USH2A: variants seen among roughly 807,000 people sequenced by gnomAD.
The protein encoded by USH2A is Usher syndrome 2A (autosomal recessive, mild).
USH2A carries 443 observed loss-of-function variants against 538.9 expected under a neutral mutation model. The observed-to-expected ratio is 0.82, with a 90% CI of 0.76 to 0.89. USH2A has a LOEUF of 0.89. Among genes scored for constraint, USH2A ranks in the 40% least tolerant of loss-of-function variants. USH2A has a pLI of 0.00. For missense variants in USH2A, 6,633 were observed against 6,324.8 expected (o/e 1.05, Z -1.65); for synonymous variants, 2,413 against 2,273.5 (o/e 1.06, Z -1.75).
At chr1:216,259,015 T>C (rs995359736) in intron 11 of USH2A, among the ~76,000 whole-genome samples, 1 of 152,082 alleles carries the variant, frequency 6.6e-6, no homozygotes, top group Non-Finnish European at 1.5e-5. Context: ...AGTTTGGCAG[T>C]GATACCTATG....
rs1043013730 is a variant in USH2A, at chr1:215,799,014, C to T, written c.9851G>A (p.Gly3284Glu). ...CTGGCCATGGCCATCATGAAGCCTC[C>T]CAGCACAGCAAATCTGGTTTCCTGA... ...STSGNQICCA[G>E]RLHDGHGQKC... The change falls in exon 50 of 72, where the codon GGG becomes GAG. Residue 3284 changes from glycine to glutamate, a missense_variant. Coordinates refer to ENST00000307340, the MANE Select transcript of USH2A (RefSeq NM_206933.4). 3.1e-6 allele frequency: 5 copies of T among 1,613,980 alleles called. No homozygotes were observed. The highest frequency in any genetic ancestry group is 3.3e-5 in the Admixed American group (2 of 59,982).
At chr1:216,317,428 G>A (rs924932257) in intron 9 of USH2A, among the ~76,000 whole-genome samples, 1 of 152,066 alleles carries the variant, frequency 6.6e-6, no homozygotes, top group Non-Finnish European at 1.5e-5. Flanking sequence ...AGCATCAGGA[G>A]GAATAGCTAA....
chr1:216,228,453 T>C (rs983762013), intron 14 of USH2A, among the ~76,000 whole-genome samples: 2 of 152,138 alleles, frequency 1.3e-5, no homozygotes, highest in African/African-American at 4.8e-5. Context: ...ACAATTCCCA[T>C]GTGTTGTGGG....
At chr1:216,181,990 TACC>T (rs1195304862) in intron 20 of USH2A, among the ~76,000 whole-genome samples, 1 of 152,098 alleles carries the variant, frequency 6.6e-6, no homozygotes, top group Non-Finnish European at 1.5e-5. Flanking sequence ...GTATGGAAAC[TACC>T]ATTGTCCTTG....
At chr1:216,146,944 G>A (rs992437525) in intron 21 of USH2A, among the ~76,000 whole-genome samples, 52 of 152,008 alleles carry the variant, frequency 3.4e-4, no homozygotes, top group African/African-American at 1.2e-3. Context: ...ATACAAACTC[G>A]ACAGTAGTTC....
In USH2A at chr1:216,121,085, T is replaced by C. The variant is rs561266602; in HGVS notation, c.4628-23872A>G. On this transcript the variant is annotated intron_variant, in intron 21 of 71. Transcript: ENST00000307340. ...AACACAGTGAGAAGAGGGCATAATA[T>C]GTAACTTCTGAATAAGTAGGAACAA... Among the ~76,000 whole-genome samples, 5 of 152,340 alleles carry C rather than the reference T, an allele frequency of 3.3e-5. No individual in the cohort carries two copies. The East Asian group carries it at 9.7e-4, about 29-fold the overall frequency.
At chr1:216,339,145 T>G (rs928917866) in intron 4 of USH2A, among the ~76,000 whole-genome samples, 2 of 151,600 alleles carry the variant, frequency 1.3e-5, no homozygotes, top group South Asian at 4.1e-4. Flanking sequence ...AATCCATACT[T>G]TTTTTTATAA....
intron 32 of USH2A, among the ~76,000 whole-genome samples, chr1:216,021,906 G>T (rs1265222852): frequency 6.6e-6 from 1 of 152,080 alleles, no homozygotes. Context: ...CCTTTTAGGA[G>T]GTGTTTGGAT....
chr1:215,906,991 C>A (rs1166209801), intron 38 of USH2A, among the ~76,000 whole-genome samples: 1 of 151,746 alleles, frequency 6.6e-6, no homozygotes, highest in Admixed American at 6.6e-5. Flanking sequence ...GACAGGTGAC[C>A]CCAGGTCTCT....
chr1:215,748,037 G>A (rs1660526373), intron 58 of USH2A, among the ~76,000 whole-genome samples: 1 of 151,862 alleles, frequency 6.6e-6, no homozygotes. Context: ...GACTACAGGC[G>A]CCCGCCACCG....
At chr1:215,740,699 C>G (rs536624572) in intron 60 of USH2A, among the ~76,000 whole-genome samples, 5 of 152,188 alleles carry the variant, frequency 3.3e-5, no homozygotes, top group Admixed American at 6.5e-5. Context: ...TTTTCTTGGT[C>G]AGTGAGCTGC....
chr1:215,735,311 T>C (rs1660126369), intron 60 of USH2A, among the ~76,000 whole-genome samples: 1 of 152,222 alleles, frequency 6.6e-6, no homozygotes, highest in Non-Finnish European at 1.5e-5. Context: ...CTCCATGATA[T>C]CTTAGAGTTC....
intron 35 of USH2A, among the ~76,000 whole-genome samples, chr1:215,990,908 C>T (rs929409445): frequency 1.3e-5 from 2 of 151,796 alleles, no homozygotes; most frequent in African/African-American, 4.8e-5. Context: ...ACTACAGGCA[C>T]CTGCCACTAT....
intron 62 of USH2A, among the ~76,000 whole-genome samples, chr1:215,676,179 A>C (rs10779658): frequency 6.6e-6 from 1 of 151,840 alleles, no homozygotes; most frequent in South Asian, 2.1e-4. Flanking sequence ...ACATATATAT[A>C]CATGTACATA....
At chr1:216,299,611 G>A (rs1314218740) in intron 9 of USH2A, among the ~76,000 whole-genome samples, 1 of 152,024 alleles carries the variant, frequency 6.6e-6, no homozygotes, top group African/African-American at 2.4e-5. Flanking sequence ...CAAATAAAAT[G>A]TAACTGCATG....
chr1:215,987,224 T>C (rs1162085207), intron 35 of USH2A, among the ~76,000 whole-genome samples: 5 of 152,220 alleles, frequency 3.3e-5, no homozygotes, highest in Non-Finnish European at 5.9e-5. Context: ...AAAAGGAATA[T>C]GGCTCATGAG....
chr1:216,276,752 G>C (rs980446398), intron 11 of USH2A, among the ~76,000 whole-genome samples: 1 of 152,062 alleles, frequency 6.6e-6, no homozygotes, highest in African/African-American at 2.4e-5. Context: ...GGCAGAGAAA[G>C]CTTGTGCAGG....
At chr1:215,832,000 C>T (rs1019931371) in intron 47 of USH2A, among the ~76,000 whole-genome samples, 1 of 151,866 alleles carries the variant, frequency 6.6e-6, no homozygotes, top group African/African-American at 2.4e-5. Context: ...GTTTGTAGTA[C>T]AAACATACTA....
chr1:216,401,068 T>C (rs1245499980), intron 3 of USH2A, among the ~76,000 whole-genome samples: 1 of 152,088 alleles, frequency 6.6e-6, no homozygotes, highest in East Asian at 1.9e-4. Flanking sequence ...TGCTAGATAA[T>C]ATTTCACGGT....
Sources: allele counts gnomAD v4.1 joint callset (sites outside exome capture counted in the v4.1 genomes callset), GRCh38; gene constraint gnomAD v4.1.1; transcripts MANE v1.5; gene names NCBI Gene and HGNC (gene_info 2026-07-23, HGNC 2026-07-21).